The following IQGAP1 variants were observed in gnomAD, a reference collection of about 807,000 sequenced individuals.
The protein encoded by IQGAP1 is ras GTPase-activating-like protein IQGAP1.
IQGAP1 carries 66 observed loss-of-function variants against 215.6 expected under a neutral mutation model. The ratio of observed to expected loss-of-function variants is 0.31; its 90% confidence interval spans 0.25 to 0.38. The LOEUF (loss-of-function observed/expected upper bound fraction) is 0.38. Among genes scored for constraint, IQGAP1 ranks in the 10% least tolerant of loss-of-function variants. The pLI is 1.00. For missense variants in IQGAP1, 1,712 were observed against 1,997.1 expected (o/e 0.86, Z 2.72); for synonymous variants, 772 against 728.7 (o/e 1.06, Z -0.96).
intron 1 of IQGAP1, among the ~76,000 whole-genome samples, chr15:90,389,924 G>A (rs893480766): frequency 1.3e-5 from 2 of 148,420 alleles, no homozygotes; most frequent in South Asian, 4.3e-4. Flanking sequence ...CACTGCACTC[G>A]AGCCGGAGTG....
rs373828925 is a variant in IQGAP1 at position 90,494,866 on chromosome 15, A to G, written c.4751+31A>G. On this transcript the variant is annotated intron_variant, in intron 36 of 37. Coordinates refer to ENST00000268182, the MANE Select transcript of IQGAP1 (RefSeq NM_003870.4). The stretch of plus-strand genomic sequence containing the variant: ...TCTTTGCTTTTTGTTTTATAAGTTG[A>G]TTTTTATTTCTACATTTATCACATC... 2.9e-5 allele frequency: 45 copies of G among 1,543,602 alleles called. No individual in the cohort carries two copies. The African/African-American group carries it at 5.7e-4, about 19-fold the overall frequency.
chr15:90,480,977 A>G (rs1042150425), intron 26 of IQGAP1, among the ~76,000 whole-genome samples: 1 of 152,068 alleles, frequency 6.6e-6, no homozygotes, highest in Non-Finnish European at 1.5e-5. Context: ...CTCTACTTGT[A>G]TTTTCTAAGG....
intron 2 of IQGAP1, among the ~76,000 whole-genome samples, chr15:90,421,487 A>G (rs1339186440): frequency 1.3e-5 from 2 of 152,178 alleles, no homozygotes; most frequent in East Asian, 1.9e-4. Context: ...AAAAAAAAAA[A>G]AAAGCTAGAG....
chr15:90,494,897 C>T, intron 36 of IQGAP1, 62 bp downstream of exon 36: 1 of 1,229,310 alleles, frequency 8.1e-7, no homozygotes, highest in South Asian at 1.4e-5. Context: ...ACATCTTTGC[C>T]TTTTTGTCTT....
At chr15:90,418,146 T>A (rs1328641378) in intron 2 of IQGAP1, among the ~76,000 whole-genome samples, 2 of 152,136 alleles carry the variant, frequency 1.3e-5, no homozygotes, top group African/African-American at 2.4e-5. Context: ...ATACCACTGA[T>A]AAGTGTTCCA....
intron 30 of IQGAP1, among the ~76,000 whole-genome samples, chr15:90,485,167 G>A (rs1051892307): frequency 1.3e-5 from 2 of 152,060 alleles, no homozygotes; most frequent in Admixed American, 6.5e-5. Flanking sequence ...ACAGGAACAA[G>A]GGCATATGTT....
chr15:90,435,964 A>G (rs1306545990), intron 5 of IQGAP1, among the ~76,000 whole-genome samples: 1 of 152,124 alleles, frequency 6.6e-6, no homozygotes, highest in Non-Finnish European at 1.5e-5. Flanking sequence ...AGCCATGTTC[A>G]AAGCAGGTTC....
At chr15:90,406,253 A>G (rs570746364) in intron 2 of IQGAP1, among the ~76,000 whole-genome samples, 8 of 152,332 alleles carry the variant, frequency 5.3e-5, no homozygotes, top group Non-Finnish European at 1.2e-4. Context: ...TCCCTAAAAA[A>G]AGCCCTGTCA....
intron 11 of IQGAP1, among the ~76,000 whole-genome samples, chr15:90,450,731 G>A (rs969584960): frequency 6.6e-6 from 1 of 150,966 alleles, no homozygotes; most frequent in African/African-American, 2.4e-5. Context: ...ATACCTGTTG[G>A]CCATTTGTGT....
chr15:90,418,967 GA>G (rs974678946), intron 2 of IQGAP1, among the ~76,000 whole-genome samples: 2 of 152,070 alleles, frequency 1.3e-5, no homozygotes, highest in East Asian at 3.9e-4. Context: ...GTAACATGGT[GA>G]AACCCTTTCT....
intron 1 of IQGAP1, among the ~76,000 whole-genome samples, chr15:90,388,814 AC>A (rs1470333424): frequency 6.6e-6 from 1 of 152,100 alleles, no homozygotes; most frequent in Non-Finnish European, 1.5e-5. Context: ...TGCGGGGTAG[AC>A]CCAAGGGATA....
At chr15:90,450,814 T>TG (rs1397042905) in intron 11 of IQGAP1, among the ~76,000 whole-genome samples, 2 of 140,356 alleles carry the variant, frequency 1.4e-5, no homozygotes, top group Non-Finnish European at 3.0e-5. Context: ...GGTTTTTTTT[T>TG]GTTTTTTTTT....
In IQGAP1 at chr15:90,492,606, A is replaced by G; in HGVS notation, c.4523A>G (p.Gln1508Arg). The change falls in exon 35 of 38, where the codon CAG becomes CGG. Residue 1508 changes from glutamine (Q) to arginine (R), a missense_variant. Transcript: ENST00000268182. ...AAGGCCGAACTAGTGAAACTGCAAC[A>G]GACATACGCTGCTCTGAACTCTAAG... ...RRKAELVKLQ[Q>R]TYAALNSKAT... is the part of the protein sequence containing the mutation. 1 of 1,613,942 alleles carries G rather than the reference A, an allele frequency of 6.2e-7. No individual in the cohort carries two copies. Among genetic ancestry groups the G allele is most frequent in the Non-Finnish European group, 8.5e-7 (1 of 1,179,932 alleles).
At chr15:90,441,456 T>C in intron 7 of IQGAP1, 50 bp from the exon 8 acceptor site, 2 of 1,491,136 alleles carry the variant, frequency 1.3e-6, no homozygotes, top group Non-Finnish European at 9.2e-7. Flanking sequence ...TCCTGTAATC[T>C]ATATAATCTC....
chr15:90,402,441 T>TC (rs1390135607), intron 2 of IQGAP1, among the ~76,000 whole-genome samples: 5 of 152,212 alleles, frequency 3.3e-5, no homozygotes, highest in African/African-American at 1.2e-4. Context: ...CAGAATACCT[T>TC]CCTGTTGACT....
rs562867393 is a variant in IQGAP1 at position 90,456,445 on chromosome 15, G to A, written c.1776+130G>A. On this transcript the variant is annotated intron_variant, in intron 15 of 37. Coordinates refer to ENST00000268182, the MANE Select transcript of IQGAP1 (RefSeq NM_003870.4). ...TGGGCACCCTTAGATTCAAAGCACT[G>A]GAGGGACACAAAAATGTGAGAGACA... 12 of 796,814 alleles carry A rather than the reference G, an allele frequency of 1.5e-5. No homozygotes were observed. The Admixed American group carries it at 2.9e-4, about 19-fold the overall frequency. 49.4% of individuals were successfully genotyped at this position (796,814 alleles called of 1,614,324 possible). A position where few individuals can be genotyped will look rare whatever the true frequency, so the allele number is the denominator to read the frequency against.
At chr15:90,472,107 A>C (rs1965914055) in intron 18 of IQGAP1, among the ~76,000 whole-genome samples, 1 of 152,118 alleles carries the variant, frequency 6.6e-6, no homozygotes, top group Non-Finnish European at 1.5e-5. Context: ...CTCTACAAAA[A>C]ATATTTTTTA....
intron 5 of IQGAP1, among the ~76,000 whole-genome samples, chr15:90,437,814 C>T (rs896935601): frequency 2.6e-5 from 4 of 152,174 alleles, no homozygotes; most frequent in African/African-American, 9.7e-5. Flanking sequence ...ACTGGAATTA[C>T]AGGTGTGAGC....
chr15:90,497,196 T>C (rs747902314), intron 36 of IQGAP1, 36 bp from the exon 37 acceptor site: 15 of 1,092,424 alleles, frequency 1.4e-5, no homozygotes, highest in Non-Finnish European at 2.1e-5. Flanking sequence ...TATGAGAATA[T>C]AAAAACCATA....
Sources: allele counts gnomAD v4.1 joint callset (sites outside exome capture counted in the v4.1 genomes callset), GRCh38; gene constraint gnomAD v4.1.1; transcripts MANE v1.5; gene names NCBI Gene and HGNC (gene_info 2026-07-23, HGNC 2026-07-21).